GRAMD4: variants seen among roughly 807,000 people sequenced by gnomAD.
The protein encoded by GRAMD4 is GRAM domain-containing protein 4.
In GRAMD4, 25 loss-of-function variants were observed where a neutral mutation model predicts 83.9. That is an observed-to-expected ratio of 0.30 (90% confidence interval 0.22 to 0.42). GRAMD4 has a LOEUF of 0.42. Ranked by LOEUF, GRAMD4 falls within the 10% of genes least tolerant of loss-of-function variation. The probability of loss-of-function intolerance (pLI) is 1.00; values close to 1 mark genes in which losing one functional copy is unlikely to be tolerated. For synonymous variants in GRAMD4, 336 were observed against 320.9 expected, an observed-to-expected ratio of 1.05 and a Z score of -0.50; for missense variants, 593 against 788.7, an observed-to-expected ratio of 0.75 and a Z score of 2.97.
At chr22:46,654,070 G>A (rs7287489) in intron 3 of GRAMD4, among the ~76,000 whole-genome samples, 13,580 of 152,006 alleles carry the variant, frequency 0.089, 805 homozygotes, top group African/African-American at 0.17. Context: ...TCCTTCCTTC[G>A]CTTATCCAGT....
intron 1 of GRAMD4, among the ~76,000 whole-genome samples, chr22:46,615,037 A>G (rs1386203201): frequency 6.7e-5 from 3 of 44,856 alleles, no homozygotes; most frequent in African/African-American, 9.6e-5. Context: ...CCCCGTGTGT[A>G]GGTTCCCCTG....
Position 46,620,564 on chromosome 22 carries a change from A to AGGCAGGG in GRAMD4, c.-50+1_-50+2insCAGGGGG, listed in dbSNP as rs2081558677. 1 of 67,070 alleles carries AGGCAGGG rather than the reference A, an allele frequency of 1.5e-5. No homozygotes were observed. The highest frequency in any genetic ancestry group is 2.2e-4 in the African/African-American group (1 of 4,540). 4.2% of individuals were successfully genotyped at this position (67,070 alleles called of 1,614,324 possible). On this transcript the variant is annotated splice_region_variant and 5_prime_UTR_variant, in exon 1 of 19. The change abolishes the stop of an existing upstream ORF in the 5' untranslated region. Coordinates refer to ENST00000406902, the MANE Select transcript of GRAMD4 (RefSeq NM_015124.5). The surrounding 1 kb of genome is among the most constrained non-coding windows in gnomAD (Gnocchi z 4.7). The stretch of plus-strand genomic sequence containing the variant: ...TTCTGGATGTATCTGAGACAGACGG[A>AGGCAGGG]GGTAGGGGGCAGGGGGCAGGGGGCA...
intron 3 of GRAMD4, among the ~76,000 whole-genome samples, chr22:46,647,498 GC>G (rs1398502339): frequency 6.6e-6 from 1 of 151,886 alleles, no homozygotes; most frequent in Non-Finnish European, 1.5e-5. Context: ...CCCTGATCCT[GC>G]CAGTGGGGGG....
At chr22:46,600,391 G>A (rs959009032) in intron 1 of GRAMD4, among the ~76,000 whole-genome samples, 3 of 152,158 alleles carry the variant, frequency 2.0e-5, no homozygotes, top group Admixed American at 6.5e-5. Flanking sequence ...TGGCTGGGTC[G>A]CTGGTCTCCC....
chr22:46,600,419 C>T (rs1228817312), intron 1 of GRAMD4, among the ~76,000 whole-genome samples: 6 of 152,204 alleles, frequency 3.9e-5, no homozygotes, highest in Admixed American at 3.9e-4. Context: ...TGACGTGGTG[C>T]TTTTTCACCC....
chr22:46,638,683 C>T (rs1228042641), intron 3 of GRAMD4, among the ~76,000 whole-genome samples: 7 of 152,182 alleles, frequency 4.6e-5, no homozygotes, highest in Non-Finnish European at 1.0e-4. Context: ...AGATGAGTCC[C>T]AAATTTCCTG....
At chr22:46,625,516 T>C (rs984233633) in intron 1 of GRAMD4, among the ~76,000 whole-genome samples, 1 of 152,286 alleles carries the variant, frequency 6.6e-6, no homozygotes, top group African/African-American at 2.4e-5. Flanking sequence ...CCCTGTCTTC[T>C]TGAATTCCTG....
chr22:46,589,090 G>T (rs188721482), intron 1 of GRAMD4, among the ~76,000 whole-genome samples: 12 of 152,016 alleles, frequency 7.9e-5, no homozygotes, highest in African/African-American at 2.9e-4. Flanking sequence ...GGCAGGGGGC[G>T]GGGGGACCTG....
At position 46,675,533 on chromosome 22, in the gene GRAMD4, A is replaced by C; in HGVS notation, c.1544A>C (p.Asp515Ala). ...SKRNKVIKLVDITDIQKYKVL... is the reference protein window; with the variant it reads ...SKRNKVIKLVAITDIQKYKVL... The stretch of plus-strand genomic sequence containing the variant: ...AGGAACAAAGTCATCAAGCTAGTGG[A>C]CATCACGGACATCCAGAAGGTTGGT... Residue 515 changes from aspartate to alanine, a missense_variant, in exon 17 of 19, where the codon GAC (aspartate) becomes GCC (alanine). Physicochemically the swap from Asp to Ala is moderately radical, Grantham distance 126. Transcript: ENST00000406902. The C allele has an allele frequency of 6.2e-7, 1 of 1,610,998 alleles. No homozygotes were observed.
Position 46,590,565 on chromosome 22 carries a change from C to T in GRAMD4, c.-50+13275C>T, listed in dbSNP as rs533605105. Reference sequence around the variant, plus strand: ...TGTCTGCCTGTTGCTCGTGACTGGCCTGGTTTGGTGGCCTGGTAGAGGGGA... The same window carrying T: ...TGTCTGCCTGTTGCTCGTGACTGGCTTGGTTTGGTGGCCTGGTAGAGGGGA... On this transcript the variant is annotated intron_variant, in intron 1 of 1. Coordinates refer to the GRAMD4 transcript ENST00000431155. 1.3e-4 allele frequency among the ~76,000 whole-genome samples: 20 copies of T among 152,286 alleles called. No homozygotes were observed. In the East Asian group the frequency reaches 3.9e-3, roughly 29 times the overall value.
At chr22:46,673,530 G>T (rs977098162) in intron 14 of GRAMD4, 140 bp from the exon 15 acceptor site, 39 of 1,058,202 alleles carry the variant, frequency 3.7e-5, no homozygotes, top group Non-Finnish European at 5.3e-5. Flanking sequence ...AGAAGGAGCC[G>T]CTCTGGGCCG....
At chr22:46,665,570 G>T (rs896971087) in intron 8 of GRAMD4, 45 bp from the exon 9 acceptor site, 5 of 1,099,648 alleles carry the variant, frequency 4.5e-6, no homozygotes, top group Non-Finnish European at 6.9e-6. Flanking sequence ...GCCTTGTCCT[G>T]ATCCAAGCTG....
In GRAMD4 at chr22:46,677,768, C is replaced by T. The variant is rs542823623; in HGVS notation, c.*517C>T. ...ACCAACCACCGAGAAACGGGCCTGG[C>T]GGCCCTCCTTCCTCTTACATGAGAC... is the stretch of plus-strand genomic sequence containing the variant. On this transcript the variant is annotated 3_prime_UTR_variant, in exon 19 of 19. Coordinates refer to ENST00000406902, the MANE Select transcript of GRAMD4 (RefSeq NM_015124.5). The T allele has an allele frequency of 1.1e-4, 110 of 986,110 alleles. No individual in the cohort carries two copies. The South Asian group carries it at 1.8e-3, about 16-fold the overall frequency. 61.1% of individuals were successfully genotyped at this position (986,110 alleles called of 1,614,324 possible).
chr22:46,623,177 C>G (rs1569267468), intron 1 of GRAMD4, among the ~76,000 whole-genome samples: 3 of 152,014 alleles, frequency 2.0e-5, no homozygotes, highest in Non-Finnish European at 4.4e-5. Context: ...AGGACGGGGT[C>G]CTGTGTGGGT....
At chr22:46,583,349 G>C (rs1360830073) in intron 1 of GRAMD4, among the ~76,000 whole-genome samples, 1 of 152,226 alleles carries the variant, frequency 6.6e-6, no homozygotes. Flanking sequence ...TAGTATGATA[G>C]GTTTGTTACA....
rs111449607 is a variant in GRAMD4, at chr22:46,613,594, G to T, written c.-49-13157G>T. Reference sequence around the variant, plus strand: ...TGGGCTGGGTGGCGGCTACCCGATGGCTGGGAAGGCCGTCTCGGACAGAGG... The same window carrying T: ...TGGGCTGGGTGGCGGCTACCCGATGTCTGGGAAGGCCGTCTCGGACAGAGG... On this transcript the variant is annotated intron_variant, in intron 1 of 1. Transcript: ENST00000431155. Among the ~76,000 whole-genome samples, 885 of 151,744 alleles carry T rather than the reference G, an allele frequency of 5.8e-3. 6 individuals are homozygous for T. The highest frequency in any genetic ancestry group is 0.021 in the African/African-American group (843 of 41,038).
chr22:46,629,225 C>T (rs2147178697), intron 2 of GRAMD4, among the ~76,000 whole-genome samples: 1 of 152,262 alleles, frequency 6.6e-6, no homozygotes, highest in East Asian at 1.9e-4. Flanking sequence ...GGCTGAGTTC[C>T]TTAGCTGTGT....
chr22:46,610,501 G>T (rs1187522310), intron 1 of GRAMD4, among the ~76,000 whole-genome samples: 1 of 152,230 alleles, frequency 6.6e-6, no homozygotes, highest in East Asian at 1.9e-4. Flanking sequence ...GTGGCCTGCT[G>T]GGCTGAAGGT....
intron 5 of GRAMD4, among the ~76,000 whole-genome samples, chr22:46,661,765 T>G (rs1198964604): frequency 6.6e-6 from 1 of 152,196 alleles, no homozygotes; most frequent in Non-Finnish European, 1.5e-5. Flanking sequence ...CACGGAACAG[T>G]GATGTGAGAG....
Sources: gnomAD v4.1 joint callset for allele counts (sites outside exome capture counted in the v4.1 genomes callset) on GRCh38, gnomAD v4.1.1 for gene constraint, Gnocchi (gnomAD v3.1) non-coding constraint, MANE v1.5 for transcripts, NCBI Gene and HGNC (gene_info 2026-07-23, HGNC 2026-07-21) for gene names.